The following TTC23 variants were observed in gnomAD, a reference collection of about 807,000 sequenced individuals.
The protein encoded by TTC23 is tetratricopeptide repeat protein 23.
A neutral mutation model predicts 55.1 loss-of-function variants in TTC23; 58 were observed. The ratio of observed to expected loss-of-function variants is 1.05; its 90% CI spans 0.85 to 1.31. The LOEUF is 1.31. Among genes scored for constraint, TTC23 ranks in the 50% most tolerant of loss-of-function variants. The probability of loss-of-function intolerance (pLI) is 0.00; values close to 1 mark genes in which losing one functional copy is unlikely to be tolerated. For synonymous variants in TTC23, 203 were observed against 199.9 expected, an observed-to-expected ratio of 1.02 and a Z score of -0.13; for missense variants, 516 against 534.4, an observed-to-expected ratio of 0.97 and a Z score of 0.34.
intron 7 of TTC23, 40 bp from the exon 8 acceptor site, chr15:99,218,753 T>C: frequency 6.2e-7 from 1 of 1,612,738 alleles, no homozygotes; most frequent in South Asian, 1.1e-5. Flanking sequence ...GGTTCTAGAT[T>C]CTACACCCCA....
At chr15:99,146,316 T>G (rs187712249) in intron 12 of TTC23, among the ~76,000 whole-genome samples, 129 of 152,336 alleles carry the variant, frequency 8.5e-4, no homozygotes, top group African/African-American at 2.9e-3. Context: ...CTCCTAAAGC[T>G]GGGCCTTCTG....
Position 99,137,845 on chromosome 15 carries a change from G to T in TTC23, c.*165C>A. ...GAAGGGCATCCACTGTCAAAATGTGGCCCACGGGAGGCTTATGGTCTCACT... is the reference window on the plus strand; with the variant it reads ...GAAGGGCATCCACTGTCAAAATGTGTCCCACGGGAGGCTTATGGTCTCACT... On this transcript the variant is annotated 3_prime_UTR_variant, in exon 14 of 14. Transcript: ENST00000394132. 2 of 1,080,242 alleles carry T rather than the reference G, an allele frequency of 1.9e-6. No individual in the cohort carries two copies. The highest frequency in any genetic ancestry group is 2.6e-5 in the East Asian group (1 of 39,144). 66.9% of individuals were successfully genotyped at this position (1,080,242 alleles called of 1,614,324 possible).
chr15:99,152,513 G>A (rs2069934621), intron 12 of TTC23, among the ~76,000 whole-genome samples: 1 of 151,696 alleles, frequency 6.6e-6, no homozygotes. Context: ...ACATAGCTGA[G>A]ATTACAGGTA....
At chr15:99,185,473 G>T (rs1324494504) in intron 9 of TTC23, among the ~76,000 whole-genome samples, 3 of 152,232 alleles carry the variant, frequency 2.0e-5, no homozygotes, top group African/African-American at 7.2e-5. Context: ...TGAATTTAAT[G>T]ATTTCATTAC....
intron 11 of TTC23, chr15:99,160,750 C>G (rs2071253809): frequency 4.6e-5 from 7 of 152,220 alleles, no homozygotes; most frequent in African/African-American, 1.4e-4. Context: ...CGCAGTGGCT[C>G]ACGCCTGTAA....
chr15:99,156,717 T>C (rs1428232198), intron 11 of TTC23, among the ~76,000 whole-genome samples: 5 of 152,138 alleles, frequency 3.3e-5, no homozygotes, highest in African/African-American at 1.2e-4. Context: ...CCATGACACA[T>C]GGGTATTATA....
At chr15:99,219,071 C>T in intron 6 of TTC23, 23 bp from the exon 7 acceptor site, 1 of 1,611,604 alleles carries the variant, frequency 6.2e-7, no homozygotes, top group Non-Finnish European at 8.5e-7. Flanking sequence ...AAAAAGAGGT[C>T]TCAGTTTCTC....
intron 12 of TTC23, chr15:99,139,736 TGTTATAGCCTG>T (rs1175839524): frequency 2.2e-6 from 3 of 1,338,950 alleles, no homozygotes; most frequent in Non-Finnish European, 3.0e-6. Flanking sequence ...ATGTGGCCCT[TGTTATAGCCTG>T]GAAAAGATTT....
chr15:99,190,778 A>AT (rs1376775028), intron 9 of TTC23, among the ~76,000 whole-genome samples: 2 of 151,856 alleles, frequency 1.3e-5, no homozygotes, highest in Non-Finnish European at 2.9e-5. Context: ...AGACATTTAT[A>AT]TGTCTTTTTA....
chr15:99,218,277 G>C (rs2077628543), intron 8 of TTC23, among the ~76,000 whole-genome samples: 1 of 152,176 alleles, frequency 6.6e-6, no homozygotes, highest in Admixed American at 6.5e-5. Flanking sequence ...AGGGAAAAAA[G>C]GAAGGGAGGG....
intron 5 of TTC23, among the ~76,000 whole-genome samples, chr15:99,222,773 G>T (rs1217467034): frequency 6.6e-6 from 1 of 152,154 alleles, no homozygotes; most frequent in African/African-American, 2.4e-5. Context: ...GGAGATGGGT[G>T]AATCACAAGG....
At chr15:99,182,225 C>A (rs933890128) in intron 9 of TTC23, among the ~76,000 whole-genome samples, 6 of 104,398 alleles carry the variant, frequency 5.7e-5, no homozygotes, top group Non-Finnish European at 1.2e-4. Context: ...TTCCAGAAAT[C>A]TCTCTCTCTC....
chr15:99,203,700 CTT>C (rs931471191), intron 8 of TTC23, among the ~76,000 whole-genome samples: 7 of 150,970 alleles, frequency 4.6e-5, no homozygotes, highest in Non-Finnish European at 8.9e-5. Flanking sequence ...TCTTTTTTTT[CTT>C]TCTTTTTTTT....
At chr15:99,175,010 A>G (rs376362906) in intron 10 of TTC23, 40 bp downstream of exon 10, 25 of 1,592,784 alleles carry the variant, frequency 1.6e-5, no homozygotes, top group Non-Finnish European at 2.1e-5. Context: ...TTATAGACCC[A>G]GATGCCTGTG....
At chr15:99,140,125 A>G (rs968221443) in intron 12 of TTC23, 1 of 181,756 alleles carries the variant, frequency 5.5e-6, no homozygotes, top group Non-Finnish European at 1.2e-5. Context: ...CACCCGGGGT[A>G]GACAAAAAGA....
At chr15:99,232,156 G>A (rs2078985073) in intron 4 of TTC23, among the ~76,000 whole-genome samples, 1 of 151,622 alleles carries the variant, frequency 6.6e-6, no homozygotes. Flanking sequence ...TTTAAAAATA[G>A]AAAAAAGCTT....
chr15:99,204,636 T>G (rs2076463686), intron 8 of TTC23, among the ~76,000 whole-genome samples: 1 of 124,252 alleles, frequency 8.0e-6, no homozygotes, highest in South Asian at 2.6e-4. Flanking sequence ...TTTAAGGTTT[T>G]TTTTTTTTTT....
At chr15:99,198,210 C>T (rs759630045) in intron 9 of TTC23, among the ~76,000 whole-genome samples, 12 of 152,132 alleles carry the variant, frequency 7.9e-5, no homozygotes, top group Non-Finnish European at 7.3e-5. Flanking sequence ...TCCACTTGTA[C>T]GCCTCACAGG....
intron 9 of TTC23, among the ~76,000 whole-genome samples, chr15:99,193,627 C>T (rs772095193): frequency 6.6e-6 from 1 of 152,172 alleles, no homozygotes; most frequent in African/African-American, 2.4e-5. Context: ...TTATCAGCAG[C>T]GTGACAATGG....
Sources: gnomAD v4.1 joint callset for allele counts (sites outside exome capture counted in the v4.1 genomes callset) on GRCh38, gnomAD v4.1.1 for gene constraint, MANE v1.5 for transcripts, NCBI Gene and HGNC (gene_info 2026-07-23, HGNC 2026-07-21) for gene names.